PRIMA1: variants seen among roughly 807,000 people sequenced by gnomAD.
The protein encoded by PRIMA1 is proline-rich membrane anchor 1.
PRIMA1 carries 7 observed loss-of-function variants against 17.5 expected under a neutral mutation model. The ratio of observed to expected loss-of-function variants is 0.40; its 90% CI spans 0.23 to 0.75. PRIMA1 has a LOEUF of 0.75. Ranked by LOEUF, PRIMA1 falls within the 30% of genes least tolerant of loss-of-function variation. The pLI, the probability that PRIMA1 is intolerant of heterozygous loss-of-function variation, is 0.37. For missense variants in PRIMA1, 200 were observed against 201.8 expected (o/e 0.99, Z 0.05); for synonymous variants, 97 against 77.9 (o/e 1.25, Z -1.29).
chr14:93,749,646 G>A (rs1166718174), intron 3 of PRIMA1, among the ~76,000 whole-genome samples: 1 of 152,214 alleles, frequency 6.6e-6, no homozygotes, highest in Non-Finnish European at 1.5e-5. Flanking sequence ...TCGTGACCTT[G>A]GGAAGGGAGA....
chr14:93,759,567 C>T (rs966056692), intron 3 of PRIMA1, among the ~76,000 whole-genome samples: 7 of 151,938 alleles, frequency 4.6e-5, no homozygotes, highest in African/African-American at 1.5e-4. Context: ...GGAGGAGTCA[C>T]GTCAACTTGC....
intron 3 of PRIMA1, among the ~76,000 whole-genome samples, chr14:93,778,958 T>C (rs534674444): frequency 2.5e-4 from 38 of 152,092 alleles, no homozygotes; most frequent in African/African-American, 9.2e-4. Context: ...TTTTATCTGA[T>C]TAACTGATGG....
intron 2 of PRIMA1, among the ~76,000 whole-genome samples, chr14:93,781,126 T>C (rs1885366601): frequency 6.6e-6 from 1 of 152,238 alleles, no homozygotes; most frequent in Non-Finnish European, 1.5e-5. Flanking sequence ...TCTACCAGGC[T>C]AAGAGGCTCC....
At position 93,747,735 on chromosome 14, in the gene PRIMA1, C is replaced by T. The variant is rs116710449; in HGVS notation, c.230-10365G>A. Among the ~76,000 whole-genome samples, 607 of 145,074 alleles carry T rather than the reference C, an allele frequency of 4.2e-3. 5 individuals carry two copies. The highest frequency in any genetic ancestry group is 0.015 in the African/African-American group (581 of 38,660). ...GTGTATGAGTGTGTATATGAGTGTG[C>T]GAGTGGGAAGTGTGTGGAGTGCAAG... is the stretch of plus-strand genomic sequence containing the variant. On this transcript the variant is annotated intron_variant, in intron 3 of 4. Transcript: ENST00000393140.
chr14:93,718,516 G>A lies in PRIMA1; in HGVS notation c.*2928C>T, dbSNP rs564318689. 2 of 152,390 alleles carry A rather than the reference G, an allele frequency of 1.3e-5. No individual in the cohort carries two copies. Among genetic ancestry groups the A allele is most frequent in the Non-Finnish European group, 2.9e-5 (2 of 68,012 alleles). 9.4% of individuals were successfully genotyped at this position (152,390 alleles called of 1,614,324 possible). ...CAACTGTCCTCTCTCCAGTACACGC[G>A]GCACGTTGCTAAGAAGGCAGATTTC... is the stretch of plus-strand genomic sequence containing the variant. On this transcript the variant is annotated 3_prime_UTR_variant, in exon 5 of 5. Transcript: ENST00000393140.
At chr14:93,766,565 CAG>C (rs1884897360) in intron 3 of PRIMA1, among the ~76,000 whole-genome samples, 1 of 152,230 alleles carries the variant, frequency 6.6e-6, no homozygotes, top group Non-Finnish European at 1.5e-5. Flanking sequence ...AACCACGGGA[CAG>C]AGCTGGATGC....
chr14:93,725,503 C>T (rs1028266903), intron 4 of PRIMA1, among the ~76,000 whole-genome samples: 2 of 152,126 alleles, frequency 1.3e-5, no homozygotes, highest in South Asian at 2.1e-4. Flanking sequence ...TTCAGGGTGA[C>T]GCTGCGGAAG....
intron 2 of PRIMA1, among the ~76,000 whole-genome samples, chr14:93,784,025 G>A (rs185241695): frequency 6.6e-6 from 1 of 152,134 alleles, no homozygotes; most frequent in Admixed American, 6.5e-5. Context: ...TTCCTTTGCC[G>A]CCACCTGAAC....
At chr14:93,723,483 G>A (rs944847592) in intron 4 of PRIMA1, among the ~76,000 whole-genome samples, 2 of 151,238 alleles carry the variant, frequency 1.3e-5, no homozygotes, top group African/African-American at 4.9e-5. Flanking sequence ...GAACAATCAG[G>A]CCCACTCAGA....
intron 3 of PRIMA1, among the ~76,000 whole-genome samples, chr14:93,765,063 T>TC (rs199932154): frequency 0.014 from 2,170 of 151,174 alleles, 45 homozygotes; most frequent in African/African-American, 0.05. Flanking sequence ...CCCCGTTGAG[T>TC]CCCCCCCACT....
At chr14:93,729,657 G>A (rs942135783) in intron 4 of PRIMA1, among the ~76,000 whole-genome samples, 2 of 152,212 alleles carry the variant, frequency 1.3e-5, no homozygotes, top group Non-Finnish European at 2.9e-5. Context: ...TCAGCTGAAG[G>A]CCAGAGCAGG....
intron 3 of PRIMA1, among the ~76,000 whole-genome samples, chr14:93,754,585 C>A (rs1161122029): frequency 6.6e-6 from 1 of 152,154 alleles, no homozygotes; most frequent in Non-Finnish European, 1.5e-5. Flanking sequence ...CACACCCACA[C>A]CTTGGATCAT....
At chr14:93,769,102 T>C (rs1256283750) in intron 3 of PRIMA1, among the ~76,000 whole-genome samples, 2 of 152,194 alleles carry the variant, frequency 1.3e-5, no homozygotes, top group African/African-American at 4.8e-5. Flanking sequence ...ATAGGAGTCA[T>C]GTTCATACCT....
chr14:93,728,876 G>A (rs1056617724), intron 4 of PRIMA1, among the ~76,000 whole-genome samples: 5 of 152,158 alleles, frequency 3.3e-5, no homozygotes, highest in Admixed American at 6.5e-5. Flanking sequence ...TGCATCACAC[G>A]GCAGGATGGG....
chr14:93,760,571 C>T (rs1445227165), intron 3 of PRIMA1, among the ~76,000 whole-genome samples: 1 of 152,196 alleles, frequency 6.6e-6, no homozygotes, highest in Non-Finnish European at 1.5e-5. Context: ...ATCTACAGCA[C>T]TTGGTGCCCA....
At chr14:93,780,637 C>T (rs902681989) in intron 2 of PRIMA1, among the ~76,000 whole-genome samples, 1 of 151,956 alleles carries the variant, frequency 6.6e-6, no homozygotes, top group African/African-American at 2.4e-5. Flanking sequence ...GCCTGAGCCA[C>T]ACCGATTAAA....
At chr14:93,721,831 G>A (rs1245528533) in intron 4 of PRIMA1, among the ~76,000 whole-genome samples, 2 of 152,208 alleles carry the variant, frequency 1.3e-5, no homozygotes, top group African/African-American at 4.8e-5. Context: ...ACAGGTATGA[G>A]TCCAGGCTGT....
Position 93,726,809 on chromosome 14 carries a change from A to AAC in PRIMA1, c.360-5265_360-5264dup, listed in dbSNP as rs1265579126. Among the ~76,000 whole-genome samples, 2 of 151,880 alleles carry AAC rather than the reference A, an allele frequency of 1.3e-5. No homozygotes were observed. The highest frequency in any genetic ancestry group is 2.9e-5 in the Non-Finnish European group (2 of 67,948). On this transcript the variant is annotated intron_variant, in intron 4 of 4. Coordinates refer to ENST00000393140, the MANE Select transcript of PRIMA1 (RefSeq NM_178013.4). The surrounding 1 kb of genome is among the most constrained non-coding windows in gnomAD (Gnocchi z 4.2). Reference sequence around the variant, plus strand: ...ATATACACATACACACATGTACTTCAACACACACACAATATACACATACAC... The same window carrying AAC: ...ATATACACATACACACATGTACTTCAACACACACACACAATATACACATACAC...
Position 93,721,512 on chromosome 14 carries a change from C to T in PRIMA1, c.394G>A (p.Val132Ile), listed in dbSNP as rs761493685. ...PLRKDENGTS[V>I]AEYPMSASQS... The stretch of plus-strand genomic sequence containing the variant: ...GAAGCACTCATGGGATACTCAGCAA[C>T]GCTGGTGCCATTTTCGTCTTTTCTC... The change falls in exon 5 of 5, where the codon GTT becomes ATT. Residue 132 changes from valine to isoleucine, a missense_variant. Physicochemically the swap from Val to Ile is conservative, Grantham distance 29. Coordinates refer to ENST00000393140, the MANE Select transcript of PRIMA1 (RefSeq NM_178013.4). 13 of 1,613,700 alleles carry T rather than the reference C, an allele frequency of 8.1e-6. No individual in the cohort carries two copies. The highest frequency in any genetic ancestry group is 2.7e-5 in the African/African-American group (2 of 74,860).
Sources: allele counts gnomAD v4.1 joint callset (sites outside exome capture counted in the v4.1 genomes callset), GRCh38; gene constraint gnomAD v4.1.1; non-coding constraint Gnocchi (gnomAD v3.1); transcripts MANE v1.5; gene names NCBI Gene and HGNC (gene_info 2026-07-23, HGNC 2026-07-21).